Variants in PRPF40B observed in about 807,000 individuals in gnomAD.
PRPF40B encodes pre-mRNA processing factor 40B.
In PRPF40B, 56 loss-of-function variants were observed where a neutral mutation model predicts 124.5. The observed-to-expected ratio is 0.45, with a 90% CI of 0.36 to 0.56. PRPF40B has a LOEUF of 0.56. Ranked by LOEUF, PRPF40B falls within the 20% of genes least tolerant of loss-of-function variation. The probability of loss-of-function intolerance (pLI) is 0.00; values close to 1 mark genes in which losing one functional copy is unlikely to be tolerated. For synonymous variants in PRPF40B, 443 were observed against 426.4 expected (o/e 1.04, Z -0.48); for missense variants, 1,053 against 1,169.5 (o/e 0.90, Z 1.45).
chr12:49,643,048 A>AATC (rs1410317389), intron 22 of PRPF40B, 32 bp downstream of exon 22: 1 of 1,609,728 alleles, frequency 6.2e-7, no homozygotes. Flanking sequence ...ACATGGGGTG[A>AATC]AGCTGGGTTG....
intron 15 of PRPF40B, chr12:49,636,511 T>A: frequency 1.8e-6 from 1 of 560,790 alleles, no homozygotes; most frequent in Non-Finnish European, 3.1e-6. Flanking sequence ...AATACTTGCT[T>A]ATTTATTCTT....
At position 49,635,907 on chromosome 12, in the gene PRPF40B, G is replaced by C. The variant is rs749997964; in HGVS notation, c.1340G>C (p.Ser447Thr). ...CTAAAGAGCATCCTGGATGGGATGA[G>C]TAGTGTCAACTTCCAAACCACGTGG... is the stretch of plus-strand genomic sequence containing the variant. ...QALKSILDGM[S>T]SVNFQTTWSQ... Residue 447 changes from serine to threonine, a missense_variant, in exon 15 of 26, where the codon AGT (serine) becomes ACT (threonine). This residue lies in a region of PRPF40B where 895 missense variants were observed against 1,052.2 expected (regional missense o/e 0.85). Coordinates refer to ENST00000548825, the MANE Select transcript of PRPF40B (RefSeq NM_001031698.3). This position sits in a 1 kb window ranked among gnomAD's most constrained non-coding sequence, Gnocchi z 4.1. The C allele has an allele frequency of 1.9e-6, 3 of 1,614,124 alleles. No individual in the cohort carries two copies. The highest frequency in any genetic ancestry group is 2.5e-6 in the Non-Finnish European group (3 of 1,180,002).
At chr12:49,640,488 A>T (rs1264300323) in intron 18 of PRPF40B, 3 of 152,240 alleles carry the variant, frequency 2.0e-5, no homozygotes, top group African/African-American at 7.2e-5. Flanking sequence ...ATGAGTGAGG[A>T]CAAAGAAGGC....
At position 49,632,996 on chromosome 12, in the gene PRPF40B, G is replaced by GGGGGGGGCCCCCCCCCC; in HGVS notation, c.349-18_349-17insGGGGGGGCCCCCCCCCC. The GGGGGGGGCCCCCCCCCC allele has an allele frequency of 7.0e-6, 8 of 1,147,386 alleles. No individual in the cohort carries two copies. Among genetic ancestry groups the GGGGGGGGCCCCCCCCCC allele is most frequent in the Non-Finnish European group, 9.7e-6 (8 of 823,000 alleles). 71.1% of individuals were successfully genotyped at this position (1,147,386 alleles called of 1,614,324 possible). On this transcript the variant is annotated splice_polypyrimidine_tract_variant and intron_variant, in intron 6 of 25. Coordinates refer to ENST00000548825, the MANE Select transcript of PRPF40B (RefSeq NM_001031698.3). ...AAAGGGGCCTTGACCACCATTCTGT[G>GGGGGGGGCCCCCCCCCC]CCCCCCCCCCCACCCAGAGGGCCCT... is the stretch of plus-strand genomic sequence containing the variant.
chr12:49,631,780 C>T lies in PRPF40B; in HGVS notation c.229-80C>T. On this transcript the variant is annotated intron_variant, in intron 3 of 25. Transcript: ENST00000548825. This position sits in a 1 kb window ranked among gnomAD's most constrained non-coding sequence, Gnocchi z 4.3. ...GGGTCATGGCTCCAGTGAGATGTCT[C>T]AGGACCCTTTGAGGTACCCTGTCCC... 7.0e-7 allele frequency: 1 copy of T among 1,434,278 alleles called. No individual in the cohort carries two copies. The highest frequency in any genetic ancestry group is 1.1e-5 in the South Asian group (1 of 87,430). 88.8% of individuals were successfully genotyped at this position (1,434,278 alleles called of 1,614,324 possible). A position where few individuals can be genotyped will look rare whatever the true frequency, so the allele number is the denominator to read the frequency against.
rs374803402 is a variant in PRPF40B at position 49,631,861 on chromosome 12, T to G, written c.230T>G (p.Ile77Arg). The change falls in exon 4 of 26, where the codon ATA (isoleucine) becomes AGA (arginine). Residue 77 changes from isoleucine (I) to arginine (R), a missense_variant and splice_region_variant. Transcript: ENST00000548825. The surrounding 1 kb of genome is among the most constrained non-coding windows in gnomAD (Gnocchi z 4.3). ...TTTCTGTCTTCTTTGTATCCATAGA[T>G]ACCAGGAATGGTACCTCCGATGATG... Reference protein sequence around the residue: ...PMGAPPPLTQIPGMVPPMMPG... With the variant: ...PMGAPPPLTQRPGMVPPMMPG... 12 of 1,614,008 alleles carry G rather than the reference T, an allele frequency of 7.4e-6. No individual in the cohort carries two copies. In the African/African-American group the frequency reaches 1.6e-4, roughly 22 times the overall value.
At chr12:49,623,837 C>G in intron 1 of PRPF40B, 1 of 926,308 alleles carries the variant, frequency 1.1e-6, no homozygotes. Context: ...AGTGGCGGGA[C>G]TGGGTGAAGA....
chr12:49,632,531 A>G (rs912780469), intron 4 of PRPF40B, 65 bp from the exon 5 acceptor site: 4 of 1,550,896 alleles, frequency 2.6e-6, no homozygotes, highest in African/African-American at 2.7e-5. Context: ...TCCATCCCCC[A>G]TGGCCTGGGT....
At chr12:49,627,113 T>A (rs1022533702) in intron 1 of PRPF40B, among the ~76,000 whole-genome samples, 1 of 152,206 alleles carries the variant, frequency 6.6e-6, no homozygotes, top group Non-Finnish European at 1.5e-5. Context: ...CAATGGGAAC[T>A]GGATATGAGG....
chr12:49,639,343 C>T (rs1004690924), intron 18 of PRPF40B: 11 of 152,196 alleles, frequency 7.2e-5, no homozygotes, highest in Non-Finnish European at 1.3e-4. Flanking sequence ...GTTGGGGCTA[C>T]TTGGTACAAA....
At chr12:49,637,372 G>T (rs1184469886) in intron 16 of PRPF40B, 98 bp from the exon 17 acceptor site, 2 of 777,454 alleles carry the variant, frequency 2.6e-6, no homozygotes, top group Non-Finnish European at 4.3e-6. Flanking sequence ...AATCTTGATT[G>T]TCCCTGCCTC....
intron 12 of PRPF40B, 177 bp downstream of exon 12, chr12:49,634,779 G>T: frequency 1.4e-6 from 1 of 694,066 alleles, no homozygotes; most frequent in Non-Finnish European, 2.4e-6. Context: ...GGAAAGGAAA[G>T]GTATCTGACA....
chr12:49,636,835 C>T lies in PRPF40B; in HGVS notation c.1546C>T (p.Arg516Trp), dbSNP rs561353855. ...LRERRQQRKNREAFQTFLDEL... is the reference protein window; with the variant it reads ...LRERRQQRKNWEAFQTFLDEL... ...GGAGCGACGCCAACAACGCAAGAAT[C>T]GGGAGGCCTTCCAGGTATCTTTGCT... Residue 516 changes from arginine to tryptophan, a missense_variant, in exon 16 of 26, where the codon CGG becomes TGG. By Grantham distance (101) the Arg-to-Trp change is moderately radical (BLOSUM62 -3). Around this residue, in one of 2 missense-constraint regions of PRPF40B, gnomAD observed 895 missense variants for 1,052.2 expected, o/e 0.85. Transcript: ENST00000548825. 4 of 1,613,904 alleles carry T rather than the reference C, an allele frequency of 2.5e-6. No individual in the cohort carries two copies. Among genetic ancestry groups the T allele is most frequent in the African/African-American group, 1.3e-5 (1 of 74,932 alleles).
In PRPF40B at chr12:49,636,724, A is replaced by G; in HGVS notation, c.1435A>G (p.Lys479Glu). The change falls in exon 16 of 26, where the codon AAG becomes GAG. Residue 479 changes from lysine to glutamate, a missense_variant. By Grantham distance (56) the Lys-to-Glu change is moderately conservative (BLOSUM62 1). Around this residue, in one of 2 missense-constraint regions of PRPF40B, gnomAD observed 895 missense variants for 1,052.2 expected, o/e 0.85. Transcript: ENST00000548825. ...CTCCTGCCTGTCTTTAGACATGGACAAGGAAGATGCACTGATCTGTTTTGA... is the reference window on the plus strand; with the variant it reads ...CTCCTGCCTGTCTTTAGACATGGACGAGGAAGATGCACTGATCTGTTTTGA... ...AQDHQLQNMD[K>E]EDALICFEEH... 1.2e-6 allele frequency: 2 copies of G among 1,614,168 alleles called. No homozygotes were observed.
chr12:49,638,384 C>G (rs974539943), intron 18 of PRPF40B: 5 of 152,374 alleles, frequency 3.3e-5, no homozygotes, highest in African/African-American at 1.2e-4. Flanking sequence ...ATTTGCAAGG[C>G]ATTCTGCAGA....
intron 1 of PRPF40B, chr12:49,623,969 A>T (rs1238106946): frequency 1.9e-6 from 2 of 1,067,776 alleles, no homozygotes; most frequent in African/African-American, 1.7e-5. Flanking sequence ...CTCCTGGGAT[A>T]TTTGGTGTGC....
At chr12:49,633,786 C>G in intron 9 of PRPF40B, 100 bp from the exon 10 acceptor site, 1 of 1,605,288 alleles carries the variant, frequency 6.2e-7, no homozygotes, top group Non-Finnish European at 8.5e-7. Context: ...GAGTCATCCC[C>G]TCTGGCCCCA....
At chr12:49,626,414 G>C (rs1215804188) in intron 1 of PRPF40B, among the ~76,000 whole-genome samples, 1 of 152,222 alleles carries the variant, frequency 6.6e-6, no homozygotes, top group African/African-American at 2.4e-5. Context: ...AGAGTAGCAT[G>C]TCACTCTGCA....
At chr12:49,641,490 C>T (rs1044151533) in intron 18 of PRPF40B, 2 of 177,936 alleles carry the variant, frequency 1.1e-5, no homozygotes, top group African/African-American at 4.7e-5. Context: ...GTGAAACACT[C>T]ATCATGGTAC....
Sources: gnomAD v4.1 joint callset for allele counts (sites outside exome capture counted in the v4.1 genomes callset) on GRCh38, gnomAD v4.1.1 for gene constraint, gnomAD v4.1.1 regional missense constraint, Gnocchi (gnomAD v3.1) non-coding constraint, MANE v1.5 for transcripts, NCBI Gene and HGNC (gene_info 2026-07-23, HGNC 2026-07-21) for gene names.